MITF: variants seen among roughly 807,000 people sequenced by gnomAD.
The protein encoded by MITF is melanocyte inducing transcription factor.
MITF carries 17 observed loss-of-function variants against 60.5 expected under a neutral mutation model. The observed-to-expected ratio is 0.28, with a 90% CI of 0.19 to 0.42. The LOEUF (loss-of-function observed/expected upper bound fraction) is 0.42, where lower values mean the gene tolerates loss of function less well. Ranked by LOEUF, MITF falls within the 10% of genes least tolerant of loss-of-function variation. The pLI is 1.00. For synonymous variants in MITF, 260 were observed against 248.5 expected, an observed-to-expected ratio of 1.05 and a Z score of -0.43; for missense variants, 622 against 683.5, an observed-to-expected ratio of 0.91 and a Z score of 1.00.
chr3:69,903,249 T>G (rs1300533562), intron 2 of MITF, among the ~76,000 whole-genome samples: 2 of 152,224 alleles, frequency 1.3e-5, no homozygotes, highest in Admixed American at 6.5e-5. Flanking sequence ...CTAGGTCTAG[T>G]CCTAGAATAT....
At position 69,965,157 on chromosome 3, in the gene MITF, A is replaced by T. The variant is rs2066657859; in HGVS notation, c.1490A>T (p.Asp497Val). Residue 497 changes from aspartate to valine, a missense_variant, in exon 10 of 10, where the codon GAT (aspartate) becomes GTT (valine). Physicochemically the swap from Asp to Val is radical, Grantham distance 152. This residue lies in a region of MITF where 224 missense variants were observed against 209.5 expected (regional missense o/e 1.07). Transcript: ENST00000352241. ...ACCCTTTCTCCCGTCGGTGTCACTGATCCACTCCTTTCCTCAGTGTCCCCC... is the reference window on the plus strand; with the variant it reads ...ACCCTTTCTCCCGTCGGTGTCACTGTTCCACTCCTTTCCTCAGTGTCCCCC... ...DDTLSPVGVT[D>V]PLLSSVSPGA... The T allele has an allele frequency of 6.2e-7, 1 of 1,614,020 alleles. No individual in the cohort carries two copies. Among genetic ancestry groups the T allele is most frequent in the Non-Finnish European group, 8.5e-7 (1 of 1,179,952 alleles).
At chr3:69,780,822 C>T (rs966409135) in intron 1 of MITF, among the ~76,000 whole-genome samples, 4 of 152,208 alleles carry the variant, frequency 2.6e-5, no homozygotes, top group African/African-American at 7.2e-5. Flanking sequence ...TAGCACATCA[C>T]TCTTGCCACT....
chr3:69,819,022 A>G (rs982047981), intron 1 of MITF, among the ~76,000 whole-genome samples: 1 of 152,220 alleles, frequency 6.6e-6, no homozygotes, highest in African/African-American at 2.4e-5. Flanking sequence ...TATCTGATTA[A>G]TAAGTTAAAA....
chr3:69,830,456 A>T (rs1455684842), intron 1 of MITF, among the ~76,000 whole-genome samples: 1 of 151,862 alleles, frequency 6.6e-6, no homozygotes, highest in Non-Finnish European at 1.5e-5. Context: ...CCATGTTTAA[A>T]ATTGCATTCC....
At chr3:69,763,283 C>T (rs1457459761) in intron 1 of MITF, among the ~76,000 whole-genome samples, 4 of 152,096 alleles carry the variant, frequency 2.6e-5, no homozygotes, top group African/African-American at 4.8e-5. Context: ...GATGTCCTTG[C>T]GTCCTTTCCT....
At chr3:69,905,706 T>G (rs1194035998) in intron 2 of MITF, among the ~76,000 whole-genome samples, 2 of 152,006 alleles carry the variant, frequency 1.3e-5, no homozygotes, top group African/African-American at 2.4e-5. Flanking sequence ...TAATACTATC[T>G]CATTGTGTGT....
chr3:69,936,813 A>G, intron 2 of MITF: 1 of 1,530,248 alleles, frequency 6.5e-7, no homozygotes, highest in South Asian at 1.1e-5. Flanking sequence ...AAATTGATTT[A>G]ATCCACTTTT....
At chr3:69,815,261 G>C (rs2063163441) in intron 1 of MITF, among the ~76,000 whole-genome samples, 2 of 152,126 alleles carry the variant, frequency 1.3e-5, no homozygotes, top group South Asian at 2.1e-4. Context: ...TAGCAACCCA[G>C]GCCTACCAAG....
intron 8 of MITF, among the ~76,000 whole-genome samples, chr3:69,958,467 T>C (rs1018371744): frequency 6.6e-6 from 1 of 152,068 alleles, no homozygotes; most frequent in African/African-American, 2.4e-5. Context: ...GATCAATTAC[T>C]TGGTGACTTG....
intron 1 of MITF, among the ~76,000 whole-genome samples, chr3:69,770,008 G>A (rs1399011303): frequency 2.6e-5 from 4 of 152,140 alleles, no homozygotes; most frequent in African/African-American, 7.2e-5. Context: ...TGCTAGTTTG[G>A]TAGTAAAACA....
rs192184316 is a variant in MITF at position 69,865,995 on chromosome 3, G to T, written c.105-13139G>T. ...ACCGGAGCTGGGTAAGGCTAAATAA[G>T]CTTCCCGAGGTGCTTGCCTGGCTGC... On this transcript the variant is annotated intron_variant, in intron 1 of 9. Transcript: ENST00000352241. Among the ~76,000 whole-genome samples, 8 of 152,328 alleles carry T rather than the reference G, an allele frequency of 5.3e-5. No individual in the cohort carries two copies. The East Asian group carries it at 1.5e-3, about 29-fold the overall frequency.
chr3:69,916,996 T>C (rs2065348025), intron 2 of MITF, among the ~76,000 whole-genome samples: 1 of 152,228 alleles, frequency 6.6e-6, no homozygotes, highest in Non-Finnish European at 1.5e-5. Flanking sequence ...ATTTGACATA[T>C]GTTTAGTGCA....
chr3:69,897,757 T>C (rs146635949), intron 2 of MITF, among the ~76,000 whole-genome samples: 49 of 152,350 alleles, frequency 3.2e-4, no homozygotes, highest in African/African-American at 1.2e-3. Context: ...CACTTCTGTA[T>C]CCTGGGCATT....
At chr3:69,829,332 A>G (rs2063408113) in intron 1 of MITF, among the ~76,000 whole-genome samples, 1 of 152,174 alleles carries the variant, frequency 6.6e-6, no homozygotes, top group Non-Finnish European at 1.5e-5. Flanking sequence ...CTGTTATTCT[A>G]TAGGCGTGAA....
At chr3:69,841,716 C>T (rs1006389803) in intron 1 of MITF, among the ~76,000 whole-genome samples, 1 of 152,124 alleles carries the variant, frequency 6.6e-6, no homozygotes, top group African/African-American at 2.4e-5. Flanking sequence ...GTCAATTTGG[C>T]AGTACTTCTT....
intron 1 of MITF, among the ~76,000 whole-genome samples, chr3:69,757,587 G>T (rs1575670813): frequency 6.6e-6 from 1 of 152,148 alleles, no homozygotes; most frequent in African/African-American, 2.4e-5. Flanking sequence ...GGATAAATCT[G>T]CTGTGTAGGC....
chr3:69,948,756 C>T (rs2066164376), intron 5 of MITF, among the ~76,000 whole-genome samples: 1 of 152,108 alleles, frequency 6.6e-6, no homozygotes. Context: ...GCATTCACCA[C>T]ATTATTCATT....
At chr3:69,867,929 G>A (rs1169729715) in intron 1 of MITF, among the ~76,000 whole-genome samples, 2 of 152,174 alleles carry the variant, frequency 1.3e-5, no homozygotes, top group East Asian at 1.9e-4. Context: ...TGTTCACTGA[G>A]TTATTGCCCA....
At chr3:69,961,840 A>G (rs1292782958) in intron 9 of MITF, among the ~76,000 whole-genome samples, 1 of 152,258 alleles carries the variant, frequency 6.6e-6, no homozygotes, top group Non-Finnish European at 1.5e-5. Flanking sequence ...TAGGGTTCCA[A>G]ACATGTATAT....
Sources: allele counts gnomAD v4.1 joint callset (sites outside exome capture counted in the v4.1 genomes callset), GRCh38; gene constraint gnomAD v4.1.1; regional missense constraint gnomAD v4.1.1; transcripts MANE v1.5; gene names NCBI Gene and HGNC (gene_info 2026-07-23, HGNC 2026-07-21).